The following EPCAM variants were observed in gnomAD, a reference collection of about 807,000 sequenced individuals.
EPCAM encodes adenocarcinoma-associated antigen.
In EPCAM, 39 loss-of-function variants were observed where a neutral mutation model predicts 40.0. The ratio of observed to expected loss-of-function variants is 0.98; its 90% confidence interval spans 0.76 to 1.27. The LOEUF (loss-of-function observed/expected upper bound fraction) is 1.27, where lower values mean the gene tolerates loss of function less well. Ranked by LOEUF, EPCAM falls within the 50% of genes most tolerant of loss-of-function variation. The pLI is 0.00. For synonymous variants in EPCAM, 168 were observed against 132.3 expected, an observed-to-expected ratio of 1.27 and a Z score of -1.85; for missense variants, 503 against 381.2, an observed-to-expected ratio of 1.32 and a Z score of -2.66.
At chr2:47,382,466 C>T (rs999767961) in intron 7 of EPCAM, among the ~76,000 whole-genome samples, 3 of 152,276 alleles carry the variant, frequency 2.0e-5, no homozygotes, top group Admixed American at 2.0e-4. Flanking sequence ...GTGGGCAGAT[C>T]ACCTGAGGCT....
At chr2:47,380,836 C>A (rs975018593) in intron 7 of EPCAM, among the ~76,000 whole-genome samples, 5 of 152,256 alleles carry the variant, frequency 3.3e-5, no homozygotes, top group Non-Finnish European at 5.9e-5. Flanking sequence ...GGCCTGTAAT[C>A]GCAGCACTTT....
rs117508529 is a variant in EPCAM at position 47,383,936 on chromosome 2, C to A, written c.859-1230C>A. On this transcript the variant is annotated intron_variant, in intron 7 of 8. Coordinates refer to ENST00000263735, the MANE Select transcript of EPCAM (RefSeq NM_002354.3). ...ATAGGCGTGAACCACCATGCCTGGC[C>A]TAAACTGTTAAATTTCTTTAAAGAT... Among the ~76,000 whole-genome samples, 47 of 151,666 alleles carry A rather than the reference C, an allele frequency of 3.1e-4. No homozygotes were observed. The East Asian group carries it at 5.8e-3, about 19-fold the overall frequency.
chr2:47,377,031 T>C lies in EPCAM; in HGVS notation c.509T>C (p.Ile170Thr). Residue 170 changes from isoleucine to threonine, a missense_variant, in exon 5 of 9, where the codon ATC becomes ACC. Ile to Thr is a moderately conservative substitution (Grantham distance 89). Coordinates refer to ENST00000263735, the MANE Select transcript of EPCAM (RefSeq NM_002354.3). ...KSLRTALQKE[I>T]TTRYQLDPKF... Reference sequence around the variant, plus strand: ...CTTTACAGTGCACTTCAGAAGGAGATCACAACGCGTTATCAACTGGATCCA... The same window carrying C: ...CTTTACAGTGCACTTCAGAAGGAGACCACAACGCGTTATCAACTGGATCCA... The C allele has an allele frequency of 6.2e-7, 1 of 1,608,468 alleles. No homozygotes were observed. Among genetic ancestry groups the C allele is most frequent in the Non-Finnish European group, 8.5e-7 (1 of 1,174,946 alleles).
intron 7 of EPCAM, among the ~76,000 whole-genome samples, chr2:47,381,548 G>T (rs920232376): frequency 6.6e-6 from 1 of 152,150 alleles, no homozygotes; most frequent in Non-Finnish European, 1.5e-5. Flanking sequence ...ACTCCACCAG[G>T]CTGGCCATAT....
intron 1 of EPCAM, among the ~76,000 whole-genome samples, chr2:47,372,575 C>A (rs1671302055): frequency 6.6e-6 from 1 of 151,996 alleles, no homozygotes; most frequent in African/African-American, 2.4e-5. Context: ...AGTTTGAGAT[C>A]AGCCTGGCCA....
Position 47,373,657 on chromosome 2 carries a change from T to C in EPCAM, c.184+87T>C, listed in dbSNP as rs1323554355. On this transcript the variant is annotated intron_variant, in intron 2 of 8. Transcript: ENST00000263735. Reference sequence around the variant, plus strand: ...GTGCCTTGAGTTGGAAAGAGTTTTATTGGCTTAAATCTGAATCATGTTACA... The same window carrying C: ...GTGCCTTGAGTTGGAAAGAGTTTTACTGGCTTAAATCTGAATCATGTTACA... 4.7e-5 allele frequency: 67 copies of C among 1,439,534 alleles called. No individual in the cohort carries two copies. In the Admixed American group the frequency reaches 1.1e-3, roughly 25 times the overall value. The allele number at this position is 1,439,534 out of a possible 1,614,324, so 89.2% of individuals were successfully genotyped here.
chr2:47,377,121 A>G lies in EPCAM; in HGVS notation c.555+44A>G, dbSNP rs760391956. The G allele has an allele frequency of 4.7e-6, 6 of 1,289,352 alleles. No homozygotes were observed. In the South Asian group the frequency reaches 7.1e-5, roughly 15 times the overall value. The allele number at this position is 1,289,352 out of a possible 1,614,324, so 79.9% of individuals were successfully genotyped here. On this transcript the variant is annotated intron_variant, in intron 5 of 8. Transcript: ENST00000263735. ...TGAGCTTTAGCAGACAGTTGGTGAG[A>G]CAGTATGTTTTGAGTATAAGGACAG...
At chr2:47,375,849 G>T (rs571067598) in intron 4 of EPCAM, among the ~76,000 whole-genome samples, 8 of 152,056 alleles carry the variant, frequency 5.3e-5, no homozygotes, top group African/African-American at 1.4e-4. Context: ...GGGACTACAG[G>T]TGCCTGCCAC....
rs985932279 is a variant in EPCAM at position 47,380,160 on chromosome 2, A to G, written c.858+191A>G. Among the ~76,000 whole-genome samples the G allele has an allele frequency of 7.9e-5, 12 of 152,202 alleles. No individual in the cohort carries two copies. The East Asian group carries it at 1.5e-3, about 20-fold the overall frequency. ...GTGAAACCTTATCTGTAGTAAAAAT[A>G]CAAAAATTAGTCAGATGTGATGGCT... On this transcript the variant is annotated intron_variant, in intron 7 of 8. Coordinates refer to ENST00000263735, the MANE Select transcript of EPCAM (RefSeq NM_002354.3).
At chr2:47,380,065 C>G in intron 7 of EPCAM, 96 bp downstream of exon 7, 5 of 1,540,714 alleles carry the variant, frequency 3.2e-6, no homozygotes, top group Non-Finnish European at 4.4e-6. Context: ...CCTGTTATCC[C>G]TACACTTTGG....
At chr2:47,379,096 C>T (rs367741596) in intron 6 of EPCAM, 42 bp downstream of exon 6, 12 of 1,002,608 alleles carry the variant, frequency 1.2e-5, no homozygotes, top group Admixed American at 1.0e-4. Context: ...GGAATGTAGT[C>T]TATCATGCCT....
At chr2:47,377,159 G>A in intron 5 of EPCAM, 82 bp downstream of exon 5, 1 of 947,938 alleles carries the variant, frequency 1.1e-6, no homozygotes, top group Non-Finnish European at 1.7e-6. Context: ...AGTGATTTAA[G>A]TGGTGGTTAA....
At chr2:47,383,737 C>G (rs1458575217) in intron 7 of EPCAM, among the ~76,000 whole-genome samples, 1 of 139,566 alleles carries the variant, frequency 7.2e-6, no homozygotes, top group Non-Finnish European at 1.5e-5. Context: ...CAGGTTCAAG[C>G]CATTTTCTTG....
At chr2:47,373,205 TAAAAAAAA>T (rs777057814) in intron 1 of EPCAM, among the ~76,000 whole-genome samples, 6 of 65,048 alleles carry the variant, frequency 9.2e-5, no homozygotes, top group South Asian at 1.1e-3. Context: ...ACCCTATCTT[TAAAAAAAA>T]AAAAAAAAAA....
chr2:47,369,647 TCGGCCCC>T (rs768364603), intron 1 of EPCAM, 66 bp downstream of exon 1: 1 of 1,483,224 alleles, frequency 6.7e-7, no homozygotes, highest in African/African-American at 1.4e-5. Flanking sequence ...CCCCCGGCCC[TCGGCCCC>T]CGAAACGGGC....
intron 1 of EPCAM, 103 bp downstream of exon 1, chr2:47,369,684 G>A (rs1388258784): frequency 1.2e-5 from 14 of 1,199,936 alleles, no homozygotes; most frequent in Non-Finnish European, 1.7e-5. Flanking sequence ...AGGGGACCAA[G>A]AGGCCGCGCT....
At position 47,385,233 on chromosome 2, in the gene EPCAM, T is replaced by G. The variant is rs779353943; in HGVS notation, c.903+23T>G. The G allele has an allele frequency of 3.8e-6, 6 of 1,597,138 alleles. No homozygotes were observed. The Admixed American group carries it at 8.3e-5, about 22-fold the overall frequency. Reference sequence around the variant, plus strand: ...GAGGTAAATGGATTACTTACCTAAATAGAAAGGCCCTGTTGAATCTCTTAC... The same window carrying G: ...GAGGTAAATGGATTACTTACCTAAAGAGAAAGGCCCTGTTGAATCTCTTAC... On this transcript the variant is annotated intron_variant, in intron 8 of 8. Coordinates refer to ENST00000263735, the MANE Select transcript of EPCAM (RefSeq NM_002354.3).
chr2:47,379,603 C>A (rs1671526013), intron 6 of EPCAM, among the ~76,000 whole-genome samples, 166 bp from the exon 7 acceptor site: 2 of 152,130 alleles, frequency 1.3e-5, no homozygotes, highest in South Asian at 4.1e-4. Flanking sequence ...TTGAAAGGTT[C>A]CTGTAATAAA....
chr2:47,380,836 C>G (rs975018593), intron 7 of EPCAM, among the ~76,000 whole-genome samples: 1 of 152,138 alleles, frequency 6.6e-6, no homozygotes, highest in African/African-American at 2.4e-5. Context: ...GGCCTGTAAT[C>G]GCAGCACTTT....
Sources: allele counts gnomAD v4.1 joint callset (sites outside exome capture counted in the v4.1 genomes callset), GRCh38; gene constraint gnomAD v4.1.1; transcripts MANE v1.5; gene names NCBI Gene and HGNC (gene_info 2026-07-23, HGNC 2026-07-21).